The following DPH5 variants were observed in gnomAD, a reference collection of about 807,000 sequenced individuals.
DPH5 encodes the protein diphthamide biosynthesis 5.
Under a neutral mutation model 31.6 loss-of-function variants are expected in DPH5, and 31 were observed. That is an observed-to-expected ratio of 0.98 (90% CI 0.74 to 1.32). DPH5 has a LOEUF of 1.32. Ranked by LOEUF, DPH5 falls within the 40% of genes most tolerant of loss-of-function variation. DPH5 has a pLI of 0.00. For synonymous variants in DPH5, 120 were observed against 115.0 expected (o/e 1.04, Z -0.28); for missense variants, 309 against 335.7 (o/e 0.92, Z 0.62).
intron 3 of DPH5, among the ~76,000 whole-genome samples, chr1:101,016,517 T>C (rs1407252897): frequency 6.6e-6 from 1 of 150,672 alleles, no homozygotes; most frequent in Non-Finnish European, 1.5e-5. Context: ...TGATCTTGGC[T>C]CACTGCAACC....
chr1:101,014,902 T>G (rs1659960937), intron 3 of DPH5, among the ~76,000 whole-genome samples: 1 of 152,220 alleles, frequency 6.6e-6, no homozygotes, highest in Admixed American at 6.5e-5. Flanking sequence ...GAAGCAACTC[T>G]TCATCTGTTC....
intron 5 of DPH5, 136 bp downstream of exon 5, chr1:101,001,331 T>C (rs1278796310): frequency 4.1e-6 from 3 of 728,660 alleles, no homozygotes; most frequent in Non-Finnish European, 6.5e-6. Context: ...TGGGAAAGAG[T>C]GTGGTCTGCA....
At chr1:101,008,438 GAGA>G (rs2101219281) in intron 4 of DPH5, among the ~76,000 whole-genome samples, 1 of 152,366 alleles carries the variant, frequency 6.6e-6, no homozygotes, top group African/African-American at 2.4e-5. Context: ...CTGAGATCCA[GAGA>G]AGATGACGCC....
intron 3 of DPH5, among the ~76,000 whole-genome samples, chr1:101,014,875 T>G (rs1659957789): frequency 6.6e-6 from 1 of 152,216 alleles, no homozygotes; most frequent in South Asian, 2.1e-4. Context: ...GAAACCACTT[T>G]CTTTGCCTGT....
At chr1:101,008,763 CCTATCTAG>C (rs1263998537) in intron 4 of DPH5, among the ~76,000 whole-genome samples, 2 of 152,174 alleles carry the variant, frequency 1.3e-5, no homozygotes, top group Non-Finnish European at 2.9e-5. Flanking sequence ...TGCCCTCTTG[CCTATCTAG>C]CTAACTTCGT....
chr1:101,013,551 T>C (rs1455481980), intron 4 of DPH5, 159 bp downstream of exon 4: 8 of 434,556 alleles, frequency 1.8e-5, no homozygotes, highest in East Asian at 3.4e-5. Flanking sequence ...ATAAAAAAAT[T>C]AGTGTTAAAA....
intron 2 of DPH5, 193 bp downstream of exon 2, chr1:101,025,116 C>A: frequency 1.5e-6 from 1 of 646,702 alleles, no homozygotes; most frequent in Non-Finnish European, 2.5e-6. Context: ...TAGGACAAAG[C>A]ACCCTTTCAT....
At chr1:100,993,198 G>A (rs61780328) in intron 6 of DPH5, among the ~76,000 whole-genome samples, 6 of 152,020 alleles carry the variant, frequency 3.9e-5, no homozygotes, top group Admixed American at 6.6e-5. Context: ...GATGGCATAC[G>A]TTTATTTCTG....
chr1:101,021,426 T>C (rs1375619619), intron 3 of DPH5, among the ~76,000 whole-genome samples: 6 of 152,218 alleles, frequency 3.9e-5, no homozygotes, highest in African/African-American at 7.2e-5. Flanking sequence ...CTTGATAATG[T>C]AGTGATACAT....
chr1:100,994,069 A>T (rs6675353), intron 6 of DPH5, among the ~76,000 whole-genome samples: 42,138 of 151,996 alleles, frequency 0.28, 6,101 homozygotes, highest in African/African-American at 0.35. Flanking sequence ...TAATATTTTA[A>T]TTAATCCAAA....
intron 4 of DPH5, among the ~76,000 whole-genome samples, chr1:101,006,424 CAGAA>C (rs1195626158): frequency 6.6e-6 from 1 of 151,714 alleles, no homozygotes; most frequent in Non-Finnish European, 1.5e-5. Flanking sequence ...TAAGTGGAAA[CAGAA>C]AGGAAGAAAA....
intron 3 of DPH5, among the ~76,000 whole-genome samples, chr1:101,018,331 G>A (rs571816679): frequency 2.7e-4 from 41 of 150,876 alleles, no homozygotes; most frequent in African/African-American, 9.5e-4. Context: ...TCCGCCTCCC[G>A]GGTTCAATCA....
rs768430351 is a variant in DPH5, at chr1:101,025,426, C to G, written c.18G>C (p.Gly6=). Residue 6 remains glycine (G), a synonymous_variant, in exon 2 of 8, where the codon GGG becomes GGC. Transcript: ENST00000370109. ...TGTCCTTGGCATCTCCCAGGCCCAA[C>G]CCGATGAGATAAAGCATTTCAAACT... MLYLI[G]LGLGDAKDIT... The G allele has an allele frequency of 1.9e-6, 3 of 1,614,148 alleles. No individual in the cohort carries two copies.
At chr1:100,995,332 A>G in intron 5 of DPH5, 183 bp from the exon 6 acceptor site, 1 of 464,208 alleles carries the variant, frequency 2.2e-6, no homozygotes, top group Non-Finnish European at 3.9e-6. Flanking sequence ...ACTAGTTAGA[A>G]AACAAACATG....
At chr1:101,011,935 T>C (rs1659720770) in intron 4 of DPH5, among the ~76,000 whole-genome samples, 1 of 148,976 alleles carries the variant, frequency 6.7e-6, no homozygotes, top group Non-Finnish European at 1.5e-5. Flanking sequence ...GTTTTCACTC[T>C]TGTCACCCAG....
At chr1:101,011,857 TTCTC>T (rs1461355913) in intron 4 of DPH5, among the ~76,000 whole-genome samples, 2 of 151,912 alleles carry the variant, frequency 1.3e-5, no homozygotes, top group Non-Finnish European at 1.5e-5. Context: ...AAATGATAAT[TTCTC>T]TCCTTTTTTT....
intron 4 of DPH5, 126 bp downstream of exon 4, chr1:101,013,584 A>T: frequency 1.6e-6 from 1 of 627,896 alleles, no homozygotes; most frequent in Non-Finnish European, 2.6e-6. Context: ...GTATATACTA[A>T]GCAGCCTAGT....
intron 6 of DPH5, among the ~76,000 whole-genome samples, chr1:100,994,514 G>T (rs919716741): frequency 6.6e-6 from 1 of 151,530 alleles, no homozygotes; most frequent in Non-Finnish European, 1.5e-5. Context: ...CTCAACTAGA[G>T]GCAGACTCAG....
At position 101,001,501 on chromosome 1, in the gene DPH5, G is replaced by C. The variant is rs1558038149; in HGVS notation, c.456C>G (p.Asn152Lys). The change falls in exon 5 of 8, where the codon AAC becomes AAG. Residue 152 changes from asparagine to lysine, a missense_variant. By Grantham distance (94) the Asn-to-Lys change is moderately conservative (BLOSUM62 0). Coordinates refer to ENST00000370109, the MANE Select transcript of DPH5 (RefSeq NM_015958.3). ...ATAATGTGTGCATGCCATTTTGTCT[G>C]TTCTTCTTCACTTTGTCAAAGAAGC... ...PESFFDKVKK[N>K]RQNGMHTLCL... 1 of 1,613,428 alleles carries C rather than the reference G, an allele frequency of 6.2e-7. No individual in the cohort carries two copies. The highest frequency in any genetic ancestry group is 8.5e-7 in the Non-Finnish European group (1 of 1,179,676).
Sources: allele counts gnomAD v4.1 joint callset (sites outside exome capture counted in the v4.1 genomes callset), GRCh38; gene constraint gnomAD v4.1.1; transcripts MANE v1.5; gene names NCBI Gene and HGNC (gene_info 2026-07-23, HGNC 2026-07-21).